CNTN4: variants seen among roughly 807,000 people sequenced by gnomAD.
The protein encoded by CNTN4 is contactin 4.
Under a neutral mutation model 122.5 loss-of-function variants are expected in CNTN4, and 77 were observed. That is an observed-to-expected ratio of 0.63 (90% confidence interval 0.52 to 0.76). The LOEUF is 0.76. Among genes scored for constraint, CNTN4 ranks in the 30% least tolerant of loss-of-function variants. The pLI is 0.00. For synonymous variants in CNTN4, 512 were observed against 447.0 expected (o/e 1.15, Z -1.83); for missense variants, 1,256 against 1,259.1 (o/e 1.00, Z 0.04).
At chr3:2,295,743 G>T (rs1366939887) in intron 2 of CNTN4, among the ~76,000 whole-genome samples, 1 of 152,088 alleles carries the variant, frequency 6.6e-6, no homozygotes, top group Non-Finnish European at 1.5e-5. Flanking sequence ...TAGACATGAA[G>T]TCCTTGCCCA....
chr3:2,571,548 G>C lies in CNTN4; in HGVS notation c.45G>C (p.Leu15Phe), dbSNP rs112813310. ...TGCTGGTACTGCAATCATTCATTTT[G>C]TGCCTTGCAGGTAGAGTGTCATTTT... ...WELLVLQSFI[L>F]CLADDSTLHG... The change falls in exon 4 of 25, where the codon TTG (leucine) becomes TTC (phenylalanine). Residue 15 changes from leucine to phenylalanine, a missense_variant. Physicochemically the swap from Leu to Phe is conservative, Grantham distance 22. Coordinates refer to ENST00000418658, the MANE Select transcript of CNTN4 (RefSeq NM_175607.3). The C allele has an allele frequency of 2.3e-3, 3,786 of 1,613,036 alleles. 76 individuals carry two copies. In the African/African-American group the frequency reaches 0.042, roughly 18 times the overall value.
rs565862387 is a variant in CNTN4, at chr3:2,451,270, C to T, written c.-89+112037C>T. On this transcript the variant is annotated intron_variant, in intron 3 of 24. Coordinates refer to ENST00000418658, the MANE Select transcript of CNTN4 (RefSeq NM_175607.3). Reference sequence around the variant, plus strand: ...ATAATAGCTTACATGGGCCTTATGGCGACATTACTAGCACTCTAAAATTTA... The same window carrying T: ...ATAATAGCTTACATGGGCCTTATGGTGACATTACTAGCACTCTAAAATTTA... Among the ~76,000 whole-genome samples, 14 of 151,970 alleles carry T rather than the reference C, an allele frequency of 9.2e-5. 1 individual carries two copies. Among genetic ancestry groups the T allele is most frequent in the Middle Eastern group, 3.4e-3 (1 of 290 alleles).
At position 2,122,475 on chromosome 3, in the gene CNTN4, G is replaced by A. The variant is rs2033866884; in HGVS notation, c.-145+21836G>A. 3.3e-5 allele frequency among the ~76,000 whole-genome samples: 5 copies of A among 152,224 alleles called. 1 individual carries two copies. The South Asian group carries it at 1.0e-3, about 32-fold the overall frequency. On this transcript the variant is annotated intron_variant, in intron 2 of 24. Coordinates refer to ENST00000418658, the MANE Select transcript of CNTN4 (RefSeq NM_175607.3). ...CTATATGTAGCTAACTCTTCCCTGC[G>A]AAGAGTATTTATTCCTTTGTACAAA...
At chr3:2,650,940 T>C (rs1343153866) in intron 4 of CNTN4, among the ~76,000 whole-genome samples, 1 of 152,172 alleles carries the variant, frequency 6.6e-6, no homozygotes, top group Admixed American at 6.5e-5. Flanking sequence ...GATAAGACTA[T>C]GAATGTATGA....
At chr3:2,679,609 G>T (rs1448763769) in intron 4 of CNTN4, among the ~76,000 whole-genome samples, 1 of 152,132 alleles carries the variant, frequency 6.6e-6, no homozygotes, top group African/African-American at 2.4e-5. Flanking sequence ...GTATGTATGG[G>T]ATTATACTGG....
intron 3 of CNTN4, among the ~76,000 whole-genome samples, chr3:2,388,996 A>G (rs1346953010): frequency 6.6e-6 from 1 of 151,664 alleles, no homozygotes; most frequent in Non-Finnish European, 1.5e-5. Flanking sequence ...TGTCTCTGCT[A>G]AAAATACAAA....
chr3:2,314,686 G>A (rs1334572060), intron 2 of CNTN4, among the ~76,000 whole-genome samples: 2 of 151,676 alleles, frequency 1.3e-5, no homozygotes, highest in African/African-American at 4.8e-5. Context: ...GATATCTATC[G>A]ATTTAATACT....
intron 3 of CNTN4, among the ~76,000 whole-genome samples, chr3:2,424,883 T>A (rs2047757348): frequency 6.6e-6 from 1 of 152,236 alleles, no homozygotes; most frequent in Admixed American, 6.5e-5. Context: ...GAGAAGTGTC[T>A]GTTCATATCC....
intron 4 of CNTN4, among the ~76,000 whole-genome samples, chr3:2,609,346 C>T (rs1298092118): frequency 1.3e-5 from 2 of 152,204 alleles, no homozygotes; most frequent in African/African-American, 4.8e-5. Context: ...TTCAAGGTGC[C>T]ACCTTGGAAG....
chr3:2,315,312 T>C (rs534427650), intron 2 of CNTN4, among the ~76,000 whole-genome samples: 53 of 152,122 alleles, frequency 3.5e-4, no homozygotes, highest in African/African-American at 1.2e-3. Context: ...GCCACTTGTA[T>C]GAATTAAGGT....
chr3:2,429,705 C>T (rs1292313708), intron 3 of CNTN4, among the ~76,000 whole-genome samples: 3 of 152,156 alleles, frequency 2.0e-5, no homozygotes, highest in Non-Finnish European at 2.9e-5. Flanking sequence ...GGCAGGCAGG[C>T]CTCCTTGAGC....
intron 2 of CNTN4, among the ~76,000 whole-genome samples, chr3:2,143,116 G>A (rs1274625710): frequency 6.6e-6 from 1 of 152,188 alleles, no homozygotes; most frequent in Non-Finnish European, 1.5e-5. Context: ...CTGCCGTGCA[G>A]CCTTGCTGAC....
chr3:2,657,280 A>T (rs141737875), intron 4 of CNTN4, among the ~76,000 whole-genome samples: 1 of 152,346 alleles, frequency 6.6e-6, no homozygotes, highest in African/African-American at 2.4e-5. Flanking sequence ...ACAAGCCAAG[A>T]TAATACAGAC....
intron 3 of CNTN4, among the ~76,000 whole-genome samples, chr3:2,449,467 T>G (rs1405173301): frequency 6.6e-6 from 1 of 151,750 alleles, no homozygotes; most frequent in Middle Eastern, 3.2e-3. Flanking sequence ...ATACAAAAAT[T>G]AGCCGGGCGT....
chr3:2,757,529 G>A (rs189453449), intron 6 of CNTN4, among the ~76,000 whole-genome samples: 43 of 152,284 alleles, frequency 2.8e-4, no homozygotes, highest in Admixed American at 1.7e-3. Flanking sequence ...TCTCTCAAGC[G>A]ATGTTATCGT....
At chr3:2,246,636 G>C (rs2040163356) in intron 2 of CNTN4, among the ~76,000 whole-genome samples, 1 of 151,770 alleles carries the variant, frequency 6.6e-6, no homozygotes, top group Non-Finnish European at 1.5e-5. Flanking sequence ...ACTATTATAG[G>C]AAATACCAAG....
intron 3 of CNTN4, among the ~76,000 whole-genome samples, chr3:2,533,062 G>T (rs2077659070): frequency 6.6e-6 from 1 of 151,476 alleles, no homozygotes; most frequent in African/African-American, 2.4e-5. Context: ...TATGAATTCA[G>T]ACATGTGACA....
chr3:2,651,726 G>T (rs1371079034), intron 4 of CNTN4, among the ~76,000 whole-genome samples: 2 of 146,314 alleles, frequency 1.4e-5, no homozygotes, highest in African/African-American at 5.1e-5. Flanking sequence ...TTTTTGAGAC[G>T]GAGTCTCACT....
chr3:2,126,188 C>T (rs1050648892), intron 2 of CNTN4, among the ~76,000 whole-genome samples: 6 of 151,994 alleles, frequency 3.9e-5, no homozygotes, highest in East Asian at 1.9e-4. Flanking sequence ...GATCTCTAAC[C>T]GCTTAAAATC....
Sources: gnomAD v4.1 joint callset for allele counts (sites outside exome capture counted in the v4.1 genomes callset) on GRCh38, gnomAD v4.1.1 for gene constraint, MANE v1.5 for transcripts, NCBI Gene and HGNC (gene_info 2026-07-23, HGNC 2026-07-21) for gene names.